KIAA1217: variants seen among roughly 807,000 people sequenced by gnomAD.
KIAA1217 encodes sickle tail protein homolog.
In KIAA1217, 88 loss-of-function variants were observed where a neutral mutation model predicts 163.9. The observed-to-expected ratio is 0.54, with a 90% CI of 0.45 to 0.64. KIAA1217 has a LOEUF of 0.64. KIAA1217 is among the 30% of genes least tolerant of loss of function. The pLI is 0.00. For missense variants in KIAA1217, 2,372 were observed against 2,475.0 expected (o/e 0.96, Z 0.88); for synonymous variants, 903 against 923.1 (o/e 0.98, Z 0.39).
chr10:24,061,422 A>T (rs2060717240), intron 2 of KIAA1217, among the ~76,000 whole-genome samples: 1 of 152,224 alleles, frequency 6.6e-6, no homozygotes, highest in Non-Finnish European at 1.5e-5. Flanking sequence ...CAATGATTTA[A>T]CCACTAATGT....
intron 1 of KIAA1217, among the ~76,000 whole-genome samples, chr10:23,951,383 G>A (rs536062359): frequency 2.6e-5 from 4 of 152,326 alleles, no homozygotes; most frequent in Admixed American, 6.5e-5. Context: ...TTCCAGCTCA[G>A]GGGCTCACGC....
chr10:24,009,393 A>T (rs1564607761), intron 2 of KIAA1217, among the ~76,000 whole-genome samples: 1 of 151,756 alleles, frequency 6.6e-6, no homozygotes, highest in Non-Finnish European at 1.5e-5. Context: ...TTTTTTTTTT[A>T]AAGCCCAAAC....
At chr10:23,830,287 T>C (rs1434503093) in intron 1 of KIAA1217, among the ~76,000 whole-genome samples, 1 of 152,194 alleles carries the variant, frequency 6.6e-6, no homozygotes, top group Non-Finnish European at 1.5e-5. Flanking sequence ...TGCTGGAGCA[T>C]AAACACAGTC....
chr10:23,889,162 A>G lies in KIAA1217; in HGVS notation c.-320-118063A>G, dbSNP rs377425029. ...TCAGCATACATTTTGGTGTTCATAG[A>G]TGTTTTCATTGCTCTTAGATGAATA... On this transcript the variant is annotated intron_variant, in intron 1 of 18. Coordinates refer to the KIAA1217 transcript ENST00000376462. Among the ~76,000 whole-genome samples the G allele has an allele frequency of 1.6e-3, 240 of 152,044 alleles. 3 individuals carry two copies. The South Asian group carries it at 0.048, about 30-fold the overall frequency.
chr10:24,110,471 T>C (rs2062805652), intron 2 of KIAA1217, among the ~76,000 whole-genome samples: 1 of 152,056 alleles, frequency 6.6e-6, no homozygotes, highest in African/African-American at 2.4e-5. Context: ...ATCCCTTGAG[T>C]GGTGAAATGA....
chr10:23,880,080 G>A (rs1440684709), intron 1 of KIAA1217, among the ~76,000 whole-genome samples: 3 of 151,818 alleles, frequency 2.0e-5, no homozygotes, highest in Admixed American at 2.0e-4. Context: ...GATGAGAGAG[G>A]GCATAGGAAG....
intron 2 of KIAA1217, among the ~76,000 whole-genome samples, chr10:24,008,686 T>C (rs1847115560): frequency 6.6e-6 from 1 of 152,116 alleles, no homozygotes; most frequent in Non-Finnish European, 1.5e-5. Context: ...TGTAAGCATA[T>C]GGATTCTATT....
chr10:24,463,313 A>C lies in KIAA1217; in HGVS notation c.847-9915A>C, dbSNP rs148011007. On this transcript the variant is annotated intron_variant, in intron 5 of 20. Transcript: ENST00000376454. ...CTGGTCAGCCAGGTCTGGCCACTGG[A>C]GGGCTCAGTAGAGTTCCTCTGTCAA... Among the ~76,000 whole-genome samples, 1,133 of 152,320 alleles carry C rather than the reference A, an allele frequency of 7.4e-3. 5 individuals are homozygous for C. The highest frequency in any genetic ancestry group is 0.012 in the Non-Finnish European group (817 of 68,028).
chr10:24,287,883 CACTT>C (rs1323155510), intron 2 of KIAA1217, among the ~76,000 whole-genome samples: 1 of 152,144 alleles, frequency 6.6e-6, no homozygotes. Flanking sequence ...AGACATATCT[CACTT>C]AATAACATGA....
intron 2 of KIAA1217, among the ~76,000 whole-genome samples, chr10:24,221,344 T>G (rs1372640464): frequency 2.7e-5 from 4 of 147,316 alleles, no homozygotes; most frequent in Non-Finnish European, 6.0e-5. Flanking sequence ...AGAAAGCACT[T>G]AACCATATAT....
intron 1 of KIAA1217, among the ~76,000 whole-genome samples, chr10:23,753,144 T>A (rs1588721062): frequency 6.6e-6 from 1 of 152,166 alleles, no homozygotes; most frequent in Non-Finnish European, 1.5e-5. Context: ...GCAAAAAGAT[T>A]TCAGATTTGA....
chr10:24,339,264 C>T (rs963949522), intron 2 of KIAA1217, among the ~76,000 whole-genome samples: 1 of 152,110 alleles, frequency 6.6e-6, no homozygotes, highest in Admixed American at 6.5e-5. Context: ...GTAATCATTA[C>T]AATTCAGTCA....
chr10:23,712,760 A>G (rs929279576), intron 1 of KIAA1217, among the ~76,000 whole-genome samples: 3 of 152,182 alleles, frequency 2.0e-5, no homozygotes, highest in African/African-American at 4.8e-5. Context: ...AAAGTTGTAC[A>G]TGTCACTGTT....
In KIAA1217 at chr10:24,543,126, A is replaced by G. The variant is rs755316643; in HGVS notation, c.3856A>G (p.Ile1286Val). The change falls in exon 19 of 21, where the codon ATC (isoleucine) becomes GTC (valine). Residue 1286 changes from isoleucine to valine, a missense_variant. Transcript: ENST00000376454. ...AGATGAAATAAACAAAGGGTCTAAA[A>G]TCTCAGGCCTGCAATACTCTATACC... ...LEDEINKGSK[I>V]SGLQYSIPDT... The G allele has an allele frequency of 1.2e-6, 2 of 1,613,632 alleles. No homozygotes were observed. The highest frequency in any genetic ancestry group is 1.7e-5 in the Admixed American group (1 of 60,008).
rs578076379 is a variant in KIAA1217 at position 24,520,050 on chromosome 10, G to C, written c.2178-73G>C. The stretch of plus-strand genomic sequence containing the variant: ...CTACACAAAATCAGAGGCTGAGACG[G>C]GCACTCGGCCCCTCCTCTTCCTCTG... On this transcript the variant is annotated intron_variant, in intron 10 of 20. Coordinates refer to ENST00000376454, the MANE Select transcript of KIAA1217 (RefSeq NM_019590.5). 15 of 1,509,056 alleles carry C rather than the reference G, an allele frequency of 9.9e-6. 1 individual carries two copies. In the South Asian group the frequency reaches 1.8e-4, roughly 18 times the overall value. The allele number at this position is 1,509,056 out of a possible 1,614,324, so 93.5% of individuals were successfully genotyped here. A position where few individuals can be genotyped will look rare whatever the true frequency, so the allele number is the denominator to read the frequency against.
intron 1 of KIAA1217, among the ~76,000 whole-genome samples, chr10:24,211,514 G>A (rs982156702): frequency 6.6e-6 from 1 of 150,992 alleles, no homozygotes; most frequent in African/African-American, 2.4e-5. Context: ...GGACTACTGG[G>A]ACATGCCACC....
chr10:24,438,430 C>T lies in KIAA1217; in HGVS notation c.797C>T (p.Pro266Leu). The change falls in exon 5 of 21, where the codon CCT becomes CTT. Residue 266 changes from proline (P) to leucine (L), a missense_variant. Coordinates refer to ENST00000376454, the MANE Select transcript of KIAA1217 (RefSeq NM_019590.5). The part of the protein sequence containing the change: ...RSLLKVYNKD[P>L]AHAFNHTPKT... ...CTCCTCAAAGTGTACAACAAGGATC[C>T]TGCACATGCGTTTAATCACACACCA... The T allele has an allele frequency of 6.2e-6, 10 of 1,613,618 alleles. No homozygotes were observed. Among genetic ancestry groups the T allele is most frequent in the Non-Finnish European group, 8.5e-6 (10 of 1,179,588 alleles).
intron 2 of KIAA1217, among the ~76,000 whole-genome samples, chr10:24,099,525 T>A (rs894667859): frequency 6.7e-6 from 1 of 150,234 alleles, no homozygotes; most frequent in Non-Finnish European, 1.5e-5. Flanking sequence ...CATCCTTTTT[T>A]ATGGCTGCAT....
chr10:24,271,432 ATACT>A (rs907303153), intron 2 of KIAA1217, among the ~76,000 whole-genome samples: 1 of 152,150 alleles, frequency 6.6e-6, no homozygotes, highest in Non-Finnish European at 1.5e-5. Context: ...TTGTTAGTTT[ATACT>A]TACTCTTTAC....
Sources: allele counts gnomAD v4.1 joint callset (sites outside exome capture counted in the v4.1 genomes callset), GRCh38; gene constraint gnomAD v4.1.1; transcripts MANE v1.5; gene names NCBI Gene and HGNC (gene_info 2026-07-23, HGNC 2026-07-21).